Variants in ADAM22 observed in about 807,000 individuals in gnomAD.
ADAM22 encodes ADAM metallopeptidase domain 22.
Under a neutral mutation model 144.6 loss-of-function variants are expected in ADAM22, and 65 were observed. The observed-to-expected ratio is 0.45, with a 90% CI of 0.37 to 0.55. The LOEUF (loss-of-function observed/expected upper bound fraction) is 0.55. Ranked by LOEUF, ADAM22 falls within the 20% of genes least tolerant of loss-of-function variation. The pLI is 0.00. For synonymous variants in ADAM22, 391 were observed against 412.6 expected (o/e 0.95, Z 0.63); for missense variants, 974 against 1,184.9 (o/e 0.82, Z 2.61).
At chr7:87,935,516 TG>T (rs940648275) in intron 2 of ADAM22, among the ~76,000 whole-genome samples, 17 of 152,134 alleles carry the variant, frequency 1.1e-4, no homozygotes, top group African/African-American at 4.1e-4. Context: ...AGGTAGTATT[TG>T]GGCAGGGTTT....
chr7:87,987,137 A>G (rs974961124), intron 3 of ADAM22, among the ~76,000 whole-genome samples: 10 of 152,170 alleles, frequency 6.6e-5, no homozygotes, highest in African/African-American at 1.7e-4. Flanking sequence ...TTAAATCATC[A>G]GAGCTCACTG....
intron 11 of ADAM22, chr7:88,132,640 G>T: frequency 2.5e-6 from 1 of 393,518 alleles, no homozygotes; most frequent in South Asian, 3.3e-5. Context: ...TTTTTTAATA[G>T]ATATACTTCA....
chr7:87,965,828 C>T (rs1207415517), intron 2 of ADAM22, among the ~76,000 whole-genome samples: 1 of 152,162 alleles, frequency 6.6e-6, no homozygotes, highest in Admixed American at 6.5e-5. Flanking sequence ...GATTGTGACC[C>T]AGCTGGCAGA....
Position 87,987,296 on chromosome 7 carries a change from A to G in ADAM22, c.323+8884A>G, listed in dbSNP as rs1788716838. The stretch of plus-strand genomic sequence containing the variant: ...CGGGCTCAAGCAATTCTCCTGCCTC[A>G]GCCTCCCAAGTAGCTGGGATTACAG... On this transcript the variant is annotated intron_variant, in intron 3 of 31. Coordinates refer to ENST00000413139, the MANE Select transcript of ADAM22 (RefSeq NM_001324418.2). Among the ~76,000 whole-genome samples the G allele has an allele frequency of 2.0e-5, 3 of 152,138 alleles. No homozygotes were observed. In the South Asian group the frequency reaches 6.2e-4, roughly 31 times the overall value.
chr7:87,988,785 G>A (rs953845305), intron 3 of ADAM22, among the ~76,000 whole-genome samples: 1 of 152,158 alleles, frequency 6.6e-6, no homozygotes, highest in Non-Finnish European at 1.5e-5. Context: ...GAAGTAGCGA[G>A]TAGGCCTCTT....
chr7:88,139,146 G>A (rs1297635161), intron 14 of ADAM22, among the ~76,000 whole-genome samples: 2 of 152,190 alleles, frequency 1.3e-5, no homozygotes, highest in Non-Finnish European at 2.9e-5. Context: ...GGCTGGGCAT[G>A]GTGGCTCACG....
At chr7:87,985,784 T>C (rs543994797) in intron 3 of ADAM22, among the ~76,000 whole-genome samples, 1 of 152,276 alleles carries the variant, frequency 6.6e-6, no homozygotes, top group South Asian at 2.1e-4. Context: ...GTCTGTGTAG[T>C]CTTTGCGTGC....
At chr7:87,938,928 C>T (rs964847890) in intron 2 of ADAM22, among the ~76,000 whole-genome samples, 5 of 152,304 alleles carry the variant, frequency 3.3e-5, no homozygotes, top group Non-Finnish European at 5.9e-5. Flanking sequence ...GGATTACAGG[C>T]GTGAACCACC....
intron 25 of ADAM22, among the ~76,000 whole-genome samples, chr7:88,169,814 A>G (rs1299068955): frequency 6.6e-6 from 1 of 152,154 alleles, no homozygotes; most frequent in East Asian, 1.9e-4. Flanking sequence ...AGTAATTGTC[A>G]TCACAAGCAT....
intron 3 of ADAM22, among the ~76,000 whole-genome samples, chr7:88,043,343 G>T (rs1360152254): frequency 1.3e-5 from 2 of 151,978 alleles, no homozygotes; most frequent in African/African-American, 4.8e-5. Flanking sequence ...AAATTAGCCC[G>T]GCGTGGTGGC....
intron 3 of ADAM22, among the ~76,000 whole-genome samples, chr7:88,007,730 C>T (rs924749175): frequency 4.6e-5 from 7 of 152,082 alleles, no homozygotes; most frequent in African/African-American, 1.7e-4. Flanking sequence ...CTTCCTTACA[C>T]CTTATATAAA....
chr7:88,096,112 C>T (rs1318462842), intron 4 of ADAM22, among the ~76,000 whole-genome samples: 1 of 151,926 alleles, frequency 6.6e-6, no homozygotes, highest in African/African-American at 2.4e-5. Flanking sequence ...TAGTAGAGAC[C>T]AGGTCTCACT....
rs1851249408 is a variant in ADAM22, at chr7:88,202,197, C to T, written c.*5706C>T. The T allele has an allele frequency of 6.6e-6, 1 of 152,216 alleles. No homozygotes were observed. Among genetic ancestry groups the T allele is most frequent in the African/African-American group, 2.4e-5 (1 of 41,542 alleles). 9.4% of individuals were successfully genotyped at this position (152,216 alleles called of 1,614,324 possible). On this transcript the variant is annotated 3_prime_UTR_variant, in exon 32 of 32. Transcript: ENST00000413139. ...TTTTTAAAGGGCAAAAATGACTCAA[C>T]ACCTTTGTTTTGTATGGAAAACTTT...
chr7:87,934,349 C>T lies in ADAM22; in HGVS notation c.-117C>T. ...GCGCCACGGCCGCCGCAGCACCGGCCGGGGCTGGGTGGAGGTGGCCGCGGG... is the reference window on the plus strand; with the variant it reads ...GCGCCACGGCCGCCGCAGCACCGGCTGGGGCTGGGTGGAGGTGGCCGCGGG... On this transcript the variant is annotated 5_prime_UTR_variant, in exon 1 of 32. Coordinates refer to ENST00000413139, the MANE Select transcript of ADAM22 (RefSeq NM_001324418.2). 3.3e-6 allele frequency: 3 copies of T among 915,910 alleles called. No homozygotes were observed. The highest frequency in any genetic ancestry group is 4.8e-6 in the Non-Finnish European group (3 of 629,082). 56.7% of individuals were successfully genotyped at this position (915,910 alleles called of 1,614,324 possible). A position where few individuals can be genotyped will look rare whatever the true frequency, so the allele number is the denominator to read the frequency against.
At chr7:88,076,757 G>A (rs953869919) in intron 4 of ADAM22, among the ~76,000 whole-genome samples, 1 of 152,238 alleles carries the variant, frequency 6.6e-6, no homozygotes, top group African/African-American at 2.4e-5. Flanking sequence ...CCACCCAAGT[G>A]TAGGGCTTCC....
chr7:88,177,049 G>GC (rs199860820), intron 26 of ADAM22, among the ~76,000 whole-genome samples: 2,744 of 152,354 alleles, frequency 0.018, 31 homozygotes, highest in Non-Finnish European at 0.028. Context: ...ACAGGCGTGA[G>GC]CCACCACGCC....
rs1316686353 is a variant in ADAM22, at chr7:88,113,699, AATAAATATATATATATAT to A, written c.474-881_474-864del. ...ATAATATATATATTATAAATAAATA[AATAAATATATATATATAT>A]ATATATATATATATATATATATAGT... On this transcript the variant is annotated intron_variant, in intron 5 of 31. Transcript: ENST00000413139. Among the ~76,000 whole-genome samples, 231 of 39,466 alleles carry A rather than the reference AATAAATATATATATATAT, an allele frequency of 5.9e-3. 13 individuals carry two copies. The highest frequency in any genetic ancestry group is 0.025 in the African/African-American group (221 of 8,872). The allele number at this position is 39,466 out of a possible 152,430, so 25.9% of individuals were successfully genotyped here. A position where few individuals can be genotyped will look rare whatever the true frequency, so the allele number is the denominator to read the frequency against.
chr7:88,142,278 G>T (rs960872670), intron 14 of ADAM22, among the ~76,000 whole-genome samples: 4 of 152,114 alleles, frequency 2.6e-5, no homozygotes, highest in Admixed American at 1.3e-4. Context: ...GTAGCAAAAG[G>T]AATCACATTT....
At chr7:88,136,497 G>A (rs1220566132) in intron 14 of ADAM22, among the ~76,000 whole-genome samples, 1 of 151,972 alleles carries the variant, frequency 6.6e-6, no homozygotes, top group Non-Finnish European at 1.5e-5. Context: ...AAAGGGAGTT[G>A]GGAAGAGAAA....
Sources: gnomAD v4.1 joint callset for allele counts (sites outside exome capture counted in the v4.1 genomes callset) on GRCh38, gnomAD v4.1.1 for gene constraint, MANE v1.5 for transcripts, NCBI Gene and HGNC (gene_info 2026-07-23, HGNC 2026-07-21) for gene names.